Variants in DCUN1D3 observed in about 807,000 individuals in gnomAD.
The protein encoded by DCUN1D3 is DCN1-like protein 3.
In DCUN1D3, 6 loss-of-function variants were observed where a neutral mutation model predicts 24.8. The ratio of observed to expected loss-of-function variants is 0.24; its 90% CI spans 0.13 to 0.48. DCUN1D3 has a LOEUF of 0.48. Among genes scored for constraint, DCUN1D3 ranks in the 20% least tolerant of loss-of-function variants. DCUN1D3 has a pLI of 0.99. For missense variants in DCUN1D3, 258 were observed against 379.4 expected (o/e 0.68, Z 2.66); for synonymous variants, 120 against 144.9 (o/e 0.83, Z 1.24).
chr16:20,884,147 A>G (rs1193481325), intron 1 of DCUN1D3, among the ~76,000 whole-genome samples: 1 of 152,176 alleles, frequency 6.6e-6, no homozygotes, highest in African/African-American at 2.4e-5. Flanking sequence ...AAGTTTTTAA[A>G]TGTGTGGTCT....
At chr16:20,880,327 C>A (rs967877651) in intron 1 of DCUN1D3, among the ~76,000 whole-genome samples, 1 of 152,058 alleles carries the variant, frequency 6.6e-6, no homozygotes, top group African/African-American at 2.4e-5. Flanking sequence ...TGGCATAATG[C>A]GAAGGCTCAC....
chr16:20,871,981 C>T (rs986638177), intron 1 of DCUN1D3, among the ~76,000 whole-genome samples: 6 of 152,202 alleles, frequency 3.9e-5, no homozygotes, highest in Admixed American at 1.3e-4. Context: ...ATGCCTGCTG[C>T]ACTCTTCATC....
intron 1 of DCUN1D3, among the ~76,000 whole-genome samples, chr16:20,870,966 C>T (rs1301178179): frequency 6.6e-6 from 1 of 152,222 alleles, no homozygotes; most frequent in Non-Finnish European, 1.5e-5. Flanking sequence ...ACAGGAGCCC[C>T]TTGATCCCAC....
rs1167051721 is a variant in DCUN1D3, at chr16:20,859,907, C to G, written c.894G>C (p.Leu298Phe). The change falls in exon 3 of 3, where the codon TTG (leucine) becomes TTC (phenylalanine). Residue 298 changes from leucine to phenylalanine, a missense_variant. Coordinates refer to ENST00000324344, the MANE Select transcript of DCUN1D3 (RefSeq NM_173475.4). ...RGALSSGPEG[L>F]CPEEQT Reference sequence around the variant, plus strand: ...GCCACTAAGTCTGCTCCTCGGGACACAAGCCCTCAGGCCCTGAGCTGAGTG... The same window carrying G: ...GCCACTAAGTCTGCTCCTCGGGACAGAAGCCCTCAGGCCCTGAGCTGAGTG... 6.8e-6 allele frequency: 11 copies of G among 1,612,004 alleles called. No individual in the cohort carries two copies. Among genetic ancestry groups the G allele is most frequent in the Non-Finnish European group, 9.3e-6 (11 of 1,178,618 alleles).
intron 1 of DCUN1D3, among the ~76,000 whole-genome samples, chr16:20,899,001 C>T (rs2081938539): frequency 6.6e-6 from 1 of 152,178 alleles, no homozygotes; most frequent in Admixed American, 6.5e-5. Flanking sequence ...TAAACCAAAA[C>T]TAAACAGATC....
intron 1 of DCUN1D3, among the ~76,000 whole-genome samples, chr16:20,874,485 C>T (rs541308158): frequency 2.0e-5 from 3 of 152,244 alleles, no homozygotes; most frequent in Admixed American, 6.5e-5. Flanking sequence ...AGAGGAACCC[C>T]GTCCCAGCAT....
At position 20,882,545 on chromosome 16, in the gene DCUN1D3, G is replaced by A. The variant is rs376605459; in HGVS notation, c.-106+17659C>T. 9.5e-4 allele frequency among the ~76,000 whole-genome samples: 144 copies of A among 151,818 alleles called. 4 individuals are homozygous for A. The South Asian group carries it at 0.028, about 30-fold the overall frequency. ...CTCCCAAAGTGCTGGGATTATAGGCGTGAGCCACCATGCCCGGCCAGCACT... is the reference window on the plus strand; with the variant it reads ...CTCCCAAAGTGCTGGGATTATAGGCATGAGCCACCATGCCCGGCCAGCACT... On this transcript the variant is annotated intron_variant, in intron 1 of 2. Coordinates refer to ENST00000324344, the MANE Select transcript of DCUN1D3 (RefSeq NM_173475.4).
At chr16:20,889,770 A>G (rs1443300217) in intron 1 of DCUN1D3, among the ~76,000 whole-genome samples, 3 of 152,188 alleles carry the variant, frequency 2.0e-5, no homozygotes, top group Admixed American at 6.5e-5. Flanking sequence ...CCTCTGGACC[A>G]CATGCCAGAG....
chr16:20,890,535 G>C (rs757322410), intron 1 of DCUN1D3, among the ~76,000 whole-genome samples: 3 of 152,024 alleles, frequency 2.0e-5, no homozygotes, highest in Admixed American at 6.6e-5. Context: ...AGGCTGAGGT[G>C]GGGAGATCAC....
intron 1 of DCUN1D3, among the ~76,000 whole-genome samples, chr16:20,890,546 T>C (rs999176811): frequency 6.6e-6 from 1 of 152,082 alleles, no homozygotes; most frequent in Non-Finnish European, 1.5e-5. Context: ...GGGAGATCAC[T>C]TGAGCCCCAG....
At chr16:20,876,011 G>A (rs557036568) in intron 1 of DCUN1D3, among the ~76,000 whole-genome samples, 4 of 151,890 alleles carry the variant, frequency 2.6e-5, no homozygotes, top group African/African-American at 4.8e-5. Flanking sequence ...TGTCACCCAC[G>A]CTGGAGTGCA....
intron 1 of DCUN1D3, among the ~76,000 whole-genome samples, chr16:20,871,638 C>T (rs574237435): frequency 6.6e-6 from 1 of 152,280 alleles, no homozygotes; most frequent in South Asian, 2.1e-4. Flanking sequence ...CCAACACACG[C>T]ACATACTATA....
intron 1 of DCUN1D3, among the ~76,000 whole-genome samples, chr16:20,885,319 C>G (rs1353107567): frequency 6.6e-6 from 1 of 152,086 alleles, no homozygotes; most frequent in East Asian, 1.9e-4. Flanking sequence ...ACACTTGGCA[C>G]AGGGACCTAT....
chr16:20,894,617 C>T (rs2081907077), intron 1 of DCUN1D3, among the ~76,000 whole-genome samples: 1 of 152,206 alleles, frequency 6.6e-6, no homozygotes, highest in Non-Finnish European at 1.5e-5. Flanking sequence ...CAATATAGTA[C>T]AGCTCAAAGG....
At chr16:20,896,862 G>A (rs532986896) in intron 1 of DCUN1D3, among the ~76,000 whole-genome samples, 76 of 152,268 alleles carry the variant, frequency 5.0e-4, no homozygotes, top group Admixed American at 1.1e-3. Context: ...TCATTTGCTT[G>A]CTAACTAAAA....
intron 1 of DCUN1D3, among the ~76,000 whole-genome samples, chr16:20,868,481 C>T (rs190738104): frequency 7.4e-4 from 112 of 152,224 alleles, no homozygotes; most frequent in Middle Eastern, 3.4e-3. Context: ...GGGAACTGTC[C>T]GCATGGAACT....
At chr16:20,866,239 T>C (rs966657992) in intron 1 of DCUN1D3, among the ~76,000 whole-genome samples, 1 of 152,212 alleles carries the variant, frequency 6.6e-6, no homozygotes, top group Non-Finnish European at 1.5e-5. Context: ...TCCAGATTTG[T>C]GTTCCTAAAG....
chr16:20,896,318 A>C (rs1426718984), intron 1 of DCUN1D3: 1 of 152,214 alleles, frequency 6.6e-6, no homozygotes, highest in African/African-American at 2.4e-5. Context: ...CCACAACTCC[A>C]ATAGCAAGTG....
At chr16:20,881,743 G>A (rs1314168964) in intron 1 of DCUN1D3, among the ~76,000 whole-genome samples, 4 of 152,138 alleles carry the variant, frequency 2.6e-5, no homozygotes, top group African/African-American at 9.7e-5. Context: ...AGAGACAGAG[G>A]AAATTCACCA....
Sources: gnomAD v4.1 joint callset for allele counts (sites outside exome capture counted in the v4.1 genomes callset) on GRCh38, gnomAD v4.1.1 for gene constraint, MANE v1.5 for transcripts, NCBI Gene and HGNC (gene_info 2026-07-23, HGNC 2026-07-21) for gene names.